The following SEC14L4 variants were observed in gnomAD, a reference collection of about 807,000 sequenced individuals.
The protein encoded by SEC14L4 is SEC14 like lipid binding 4.
A neutral mutation model predicts 55.1 loss-of-function variants in SEC14L4; 42 were observed. That is an observed-to-expected ratio of 0.76 (90% CI 0.60 to 0.99). SEC14L4 has a LOEUF of 0.99. Among genes scored for constraint, SEC14L4 ranks in the 50% least tolerant of loss-of-function variants. The pLI, the probability that SEC14L4 is intolerant of heterozygous loss-of-function variation, is 0.00. For missense variants in SEC14L4, 445 were observed against 512.1 expected (o/e 0.87, Z 1.27); for synonymous variants, 206 against 206.8 (o/e 1.00, Z 0.03).
chr22:30,504,803 C>G (rs1310132939), intron 1 of SEC14L4, among the ~76,000 whole-genome samples: 1 of 152,176 alleles, frequency 6.6e-6, no homozygotes, highest in East Asian at 1.9e-4. Flanking sequence ...GAAGGTGAAT[C>G]TGTGAATCCA....
At chr22:30,504,649 G>A (rs1189647552) in intron 1 of SEC14L4, among the ~76,000 whole-genome samples, 1 of 152,136 alleles carries the variant, frequency 6.6e-6, no homozygotes, top group Non-Finnish European at 1.5e-5. Context: ...TGGAGGCTTT[G>A]TGGAAAAAAA....
At chr22:30,502,953 T>C (rs1054117598) in intron 2 of SEC14L4, among the ~76,000 whole-genome samples, 3 of 152,244 alleles carry the variant, frequency 2.0e-5, no homozygotes, top group South Asian at 2.1e-4. Flanking sequence ...ACCTGCTCAG[T>C]GCACTAGGGC....
intron 8 of SEC14L4, 102 bp from the exon 9 acceptor site, chr22:30,492,257 C>T (rs1935988180): frequency 7.0e-7 from 1 of 1,423,338 alleles, no homozygotes; most frequent in Middle Eastern, 2.4e-4. Context: ...CCTGGGCGTG[C>T]TCCCCCGGGC....
chr22:30,495,887 A>C, intron 3 of SEC14L4, 41 bp downstream of exon 3: 1 of 1,603,514 alleles, frequency 6.2e-7, no homozygotes, highest in Non-Finnish European at 8.5e-7. Context: ...CCTGGGTCAC[A>C]GTGCATGGAA....
At position 30,494,962 on chromosome 22, in the gene SEC14L4, C is replaced by A; in HGVS notation, c.424-1G>T. On this transcript the variant is annotated splice_acceptor_variant, in intron 5 of 11. Coordinates refer to ENST00000255858, the MANE Select transcript of SEC14L4 (RefSeq NM_174977.4). LOFTEE classifies it high-confidence loss of function. Reference sequence around the variant, plus strand: ...GCGCCATCTCGATCTTCCTGCCCAGCTGCTTGGGACAGAGTCATATAGGTC... The same window carrying A: ...GCGCCATCTCGATCTTCCTGCCCAGATGCTTGGGACAGAGTCATATAGGTC... The A allele has an allele frequency of 6.2e-7, 1 of 1,612,992 alleles. No individual in the cohort carries two copies. The highest frequency in any genetic ancestry group is 8.5e-7 in the Non-Finnish European group (1 of 1,179,748).
At chr22:30,504,167 C>T (rs902634223) in intron 1 of SEC14L4, among the ~76,000 whole-genome samples, 3 of 151,958 alleles carry the variant, frequency 2.0e-5, no homozygotes, top group Admixed American at 2.0e-4. Context: ...AATAGATCCT[C>T]CCAGCTCAGA....
intron 11 of SEC14L4, 151 bp from the exon 12 acceptor site, chr22:30,490,397 A>G (rs1177715468): frequency 2.3e-6 from 3 of 1,315,378 alleles, no homozygotes; most frequent in Admixed American, 4.6e-5. Flanking sequence ...TGAGCTGTCC[A>G]GGACAGTGGG....
chr22:30,500,334 G>C (rs1936280266), intron 2 of SEC14L4, among the ~76,000 whole-genome samples: 1 of 151,998 alleles, frequency 6.6e-6, no homozygotes, highest in South Asian at 2.1e-4. Flanking sequence ...TTATTTTCTA[G>C]AAATGTGTCT....
rs1936405861 is a variant in SEC14L4 at position 30,503,740 on chromosome 22, G to T, written c.67C>A (p.Leu23Ile). ...QEALARFREN[L>I]QDLLPILPNA... is the part of the protein sequence containing the mutation. The stretch of plus-strand genomic sequence containing the variant: ...GGCAGTATGGGCAGCAGGTCCTGGA[G>T]GTTCTCCCGGAACTGAGCGGAGGAG... Residue 23 changes from leucine (L) to isoleucine (I), a missense_variant, in exon 2 of 12, where the codon CTC becomes ATC. Coordinates refer to ENST00000255858, the MANE Select transcript of SEC14L4 (RefSeq NM_174977.4). 6.2e-7 allele frequency: 1 copy of T among 1,612,012 alleles called. No individual in the cohort carries two copies. The highest frequency in any genetic ancestry group is 1.7e-5 in the Admixed American group (1 of 59,944).
In SEC14L4 at chr22:30,492,512, A is replaced by G. The variant is rs778430352; in HGVS notation, c.626T>C (p.Met209Thr). The change falls in exon 8 of 12, where the codon ATG becomes ACG. Residue 209 changes from methionine to threonine, a missense_variant. Met to Thr is a moderately conservative substitution (Grantham distance 81). Transcript: ENST00000255858. ...AATCTTCCTGCGTGTCTCCTCACTC[A>G]TGAACGACTTGACCAAGTTGAAGGC... is the stretch of plus-strand genomic sequence containing the variant. ...PVAFNLVKSF[M>T]SEETRRKIVI... is the part of the protein sequence containing the mutation. 3.1e-6 allele frequency: 5 copies of G among 1,613,926 alleles called. No homozygotes were observed. Among genetic ancestry groups the G allele is most frequent in the Non-Finnish European group, 4.2e-6 (5 of 1,179,918 alleles).
At chr22:30,502,076 G>C (rs1319668345) in intron 2 of SEC14L4, among the ~76,000 whole-genome samples, 1 of 151,704 alleles carries the variant, frequency 6.6e-6, no homozygotes, top group African/African-American at 2.4e-5. Flanking sequence ...ATGTTGGCCA[G>C]GCTGGTCTCG....
rs75052363 is a variant in SEC14L4 at position 30,490,284 on chromosome 22, C to T, written c.1082-38G>A. On this transcript the variant is annotated intron_variant, in intron 11 of 11. Transcript: ENST00000255858. ...AGAGGTGATCAGGGAGCACAAACCC[C>T]GCACATCTGCAGGAAGAGCCAGCCC... 4.7e-3 allele frequency: 7,478 copies of T among 1,607,622 alleles called. 20 individuals are homozygous for T. The highest frequency in any genetic ancestry group is 5.7e-3 in the Non-Finnish European group (6,695 of 1,179,758).
At chr22:30,501,918 G>A (rs942821020) in intron 2 of SEC14L4, among the ~76,000 whole-genome samples, 2 of 135,120 alleles carry the variant, frequency 1.5e-5, no homozygotes, top group Admixed American at 8.1e-5. Flanking sequence ...TTGCTTTGTT[G>A]TGCAGTGGCA....
intron 1 of SEC14L4, 57 bp downstream of exon 1, chr22:30,505,501 C>A (rs1417057695): frequency 1.3e-6 from 2 of 1,505,116 alleles, no homozygotes; most frequent in African/African-American, 2.8e-5. Context: ...CCGGGTTGGG[C>A]AGTGCCAGGC....
intron 7 of SEC14L4, 133 bp from the exon 8 acceptor site, chr22:30,492,690 G>T: frequency 1.4e-6 from 1 of 691,706 alleles, no homozygotes; most frequent in Non-Finnish European, 2.6e-6. Flanking sequence ...GTGACCTTCA[G>T]CAAGTTACCC....
chr22:30,505,518 G>A, intron 1 of SEC14L4, 40 bp downstream of exon 1: 2 of 1,545,540 alleles, frequency 1.3e-6, no homozygotes, highest in African/African-American at 2.7e-5. Flanking sequence ...AGGCTGCTCA[G>A]GGCCCCTCCT....
At position 30,494,158 on chromosome 22, in the gene SEC14L4, ACAATTAAATTCTT is replaced by A; in HGVS notation, c.559_571del (p.Lys187LeufsTer19). ...CCCGGTCATGGGCTTACCTCGAATAACAATTAAATTCTTCAGGGTCTCAGGATAATTTGCTTCC... is the reference window on the plus strand; with the variant it reads ...CCCGGTCATGGGCTTACCTCGAATAACAGGGTCTCAGGATAATTTGCTTCC... On this transcript the variant is annotated frameshift_variant, in exon 7 of 12. Coordinates refer to ENST00000255858, the MANE Select transcript of SEC14L4 (RefSeq NM_174977.4). LOFTEE classifies it high-confidence loss of function. 1.2e-6 allele frequency: 2 copies of A among 1,613,220 alleles called. No individual in the cohort carries two copies. The highest frequency in any genetic ancestry group is 1.7e-5 in the Admixed American group (1 of 60,008).
chr22:30,504,259 T>G (rs746186720), intron 1 of SEC14L4, among the ~76,000 whole-genome samples: 37 of 152,124 alleles, frequency 2.4e-4, no homozygotes, highest in Middle Eastern at 3.4e-3. Flanking sequence ...CTTGCTATGT[T>G]GCCCAGGCTG....
rs752470201 is a variant in SEC14L4 at position 30,491,909 on chromosome 22, T to G, written c.836A>C (p.Glu279Ala). ...GCCGCGGCCCACGGACCTCGTGTGC[T>G]CATACTGCAGCCTCACCTGCTCGCA... ...YLCEQVRLQY[E>A]HTRSVGRGSS... The change falls in exon 10 of 12, where the codon GAG (glutamate) becomes GCG (alanine). Residue 279 changes from glutamate (E) to alanine (A), a missense_variant. Transcript: ENST00000255858. 4.8e-5 allele frequency: 77 copies of G among 1,613,834 alleles called. No individual in the cohort carries two copies. The highest frequency in any genetic ancestry group is 6.3e-5 in the Non-Finnish European group (74 of 1,180,004).
Sources: allele counts gnomAD v4.1 joint callset (sites outside exome capture counted in the v4.1 genomes callset), GRCh38; gene constraint gnomAD v4.1.1; transcripts MANE v1.5; gene names NCBI Gene and HGNC (gene_info 2026-07-23, HGNC 2026-07-21).